The following IQCE variants were observed in gnomAD, a reference collection of about 807,000 sequenced individuals.
The protein encoded by IQCE is IQ domain-containing protein E.
A neutral mutation model predicts 96.0 loss-of-function variants in IQCE; 115 were observed. That is an observed-to-expected ratio of 1.20 (90% confidence interval 1.03 to 1.40). IQCE has a LOEUF of 1.40. Ranked by LOEUF, IQCE falls within the 40% of genes most tolerant of loss-of-function variation. The probability of loss-of-function intolerance (pLI) is 0.00; values close to 1 mark genes in which losing one functional copy is unlikely to be tolerated. For synonymous variants in IQCE, 412 were observed against 371.2 expected (o/e 1.11, Z -1.26); for missense variants, 1,041 against 909.1 (o/e 1.15, Z -1.87).
At chr7:2,583,086 T>G (rs1004575397) in intron 9 of IQCE, among the ~76,000 whole-genome samples, 1 of 152,312 alleles carries the variant, frequency 6.6e-6, no homozygotes, top group Non-Finnish European at 1.5e-5. Context: ...CGTACAATAG[T>G]TCCCCCCTCG....
At chr7:2,579,274 G>C (rs2917740) in intron 8 of IQCE, among the ~76,000 whole-genome samples, 87,210 of 151,970 alleles carry the variant, frequency 0.57, 25,133 homozygotes, top group South Asian at 0.62. Context: ...GTGGGACATG[G>C]TGGAAGAAAA....
At chr7:2,587,750 A>C in intron 12 of IQCE, 72 bp from the exon 13 acceptor site, 1 of 1,432,936 alleles carries the variant, frequency 7.0e-7, no homozygotes, top group Non-Finnish European at 9.8e-7. Flanking sequence ...GCCTCAGGCC[A>C]TACCTGAGAA....
rs373814020 is a variant in IQCE, at chr7:2,607,236, A to G, written c.1969+9A>G. 1 of 1,613,122 alleles carries G rather than the reference A, an allele frequency of 6.2e-7. No individual in the cohort carries two copies. The highest frequency in any genetic ancestry group is 1.3e-5 in the African/African-American group (1 of 74,790). Reference sequence around the variant, plus strand: ...CCTCGCAGCTCTTCCTGGTAATTTCATTCATTTGGATTCTGGCACCAGGGC... The same window carrying G: ...CCTCGCAGCTCTTCCTGGTAATTTCGTTCATTTGGATTCTGGCACCAGGGC... On this transcript the variant is annotated intron_variant, in intron 21 of 21. Transcript: ENST00000402050.
chr7:2,567,307 GAA>G (rs1781453760), intron 2 of IQCE, 144 bp downstream of exon 2: 3 of 701,878 alleles, frequency 4.3e-6, no homozygotes, highest in East Asian at 2.7e-5. Context: ...CTTGGTGTTT[GAA>G]AAGTTTCCAG....
chr7:2,582,052 T>C (rs1457147821), intron 8 of IQCE: 1 of 468,914 alleles, frequency 2.1e-6, no homozygotes, highest in Admixed American at 2.4e-5. Flanking sequence ...TTGTCTCCTC[T>C]AAGCAAGACA....
chr7:2,588,485 C>G (rs1003227864), intron 13 of IQCE, among the ~76,000 whole-genome samples: 3 of 151,394 alleles, frequency 2.0e-5, no homozygotes, highest in African/African-American at 7.3e-5. Flanking sequence ...TCCCCAGTAG[C>G]TGGGACTACA....
At chr7:2,559,985 C>T (rs543283187) in intron 1 of IQCE, among the ~76,000 whole-genome samples, 1 of 152,150 alleles carries the variant, frequency 6.6e-6, no homozygotes, top group East Asian at 1.9e-4. Flanking sequence ...ATCGCAAGAC[C>T]CCATCTCTAC....
At chr7:2,569,147 GCGCT>G in intron 3 of IQCE, 148 bp downstream of exon 3, 1 of 709,712 alleles carries the variant, frequency 1.4e-6, no homozygotes, top group Non-Finnish European at 2.4e-6. Flanking sequence ...CTCCCAGTTC[GCGCT>G]GGAGTCTCCC....
intron 14 of IQCE, among the ~76,000 whole-genome samples, chr7:2,591,714 C>T (rs1783601298): frequency 6.6e-6 from 1 of 151,834 alleles, no homozygotes; most frequent in South Asian, 2.1e-4. Context: ...TCTGCCTCCC[C>T]AGTTCAAGCA....
At chr7:2,605,307 G>A (rs1466926629) in intron 19 of IQCE, among the ~76,000 whole-genome samples, 5 of 152,194 alleles carry the variant, frequency 3.3e-5, no homozygotes, top group Non-Finnish European at 7.3e-5. Flanking sequence ...CTGTATTGAG[G>A]ACCAGGTTTT....
At position 2,610,881 on chromosome 7, in the gene IQCE, A is replaced by AGCT. The variant is rs1348413439; in HGVS notation, c.*721_*722insTGC. On this transcript the variant is annotated 3_prime_UTR_variant, in exon 22 of 22. Transcript: ENST00000402050. ...ATTTTTTAAAATTCCCAATTACAAA[A>AGCT]GCAGCATCACACTTGCTTCTGAGAA... The AGCT allele has an allele frequency of 7.5e-6, 1 of 132,482 alleles. No individual in the cohort carries two copies. The highest frequency in any genetic ancestry group is 2.7e-5 in the African/African-American group (1 of 37,498). The allele number at this position is 132,482 out of a possible 1,614,324, so 8.2% of individuals were successfully genotyped here.
intron 18 of IQCE, among the ~76,000 whole-genome samples, chr7:2,604,108 C>T (rs946966193): frequency 1.5e-4 from 22 of 147,570 alleles, no homozygotes; most frequent in African/African-American, 5.6e-4. Flanking sequence ...CATGCCTCAG[C>T]CTCCTGAGTA....
Position 2,586,389 on chromosome 7 carries a change from A to T in IQCE, c.988+18A>T. 6.3e-7 allele frequency: 1 copy of T among 1,580,820 alleles called. No homozygotes were observed. Among genetic ancestry groups the T allele is most frequent in the Non-Finnish European group, 8.5e-7 (1 of 1,169,810 alleles). On this transcript the variant is annotated intron_variant, in intron 12 of 21. Transcript: ENST00000402050. Reference sequence around the variant, plus strand: ...GACACAGGGTACCTTCCTGAAAGCCACTCCAGGAGGGAGGCCAGGGAATGG... The same window carrying T: ...GACACAGGGTACCTTCCTGAAAGCCTCTCCAGGAGGGAGGCCAGGGAATGG...
At chr7:2,564,120 G>A (rs1245818495) in intron 1 of IQCE, among the ~76,000 whole-genome samples, 3 of 152,032 alleles carry the variant, frequency 2.0e-5, no homozygotes, top group Admixed American at 2.0e-4. Flanking sequence ...GCTGAGGCAG[G>A]AGAATTGCTT....
intron 3 of IQCE, among the ~76,000 whole-genome samples, chr7:2,569,679 T>C (rs956170323): frequency 1.3e-5 from 2 of 152,232 alleles, no homozygotes; most frequent in African/African-American, 4.8e-5. Flanking sequence ...GCCGGCATCC[T>C]GTGCTACCCC....
intron 9 of IQCE, among the ~76,000 whole-genome samples, chr7:2,582,875 T>C (rs1474784773): frequency 1.3e-5 from 2 of 152,226 alleles, no homozygotes; most frequent in Non-Finnish European, 2.9e-5. Flanking sequence ...TCTCGAAACC[T>C]GCTTGTTCTG....
chr7:2,559,242 C>CTGCGGCCCGCAGGTGA, intron 1 of IQCE, 25 bp downstream of exon 1: 26 of 1,206,126 alleles, frequency 2.2e-5, no homozygotes, highest in Non-Finnish European at 2.6e-5. Flanking sequence ...GGGGGCGACG[C>CTGCGGCCCGCAGGTGA]CGGGCGGGCG....
chr7:2,597,560 C>G (rs140452756), intron 16 of IQCE, among the ~76,000 whole-genome samples: 1 of 152,258 alleles, frequency 6.6e-6, no homozygotes, highest in Admixed American at 6.5e-5. Flanking sequence ...TCAGCAACAG[C>G]GTGCTCTCCA....
intron 1 of IQCE, among the ~76,000 whole-genome samples, chr7:2,560,764 T>A (rs1196616274): frequency 6.6e-6 from 1 of 151,864 alleles, no homozygotes; most frequent in African/African-American, 2.4e-5. Context: ...GAGACCATGC[T>A]GGCTAACACA....
Sources: gnomAD v4.1 joint callset for allele counts (sites outside exome capture counted in the v4.1 genomes callset) on GRCh38, gnomAD v4.1.1 for gene constraint, MANE v1.5 for transcripts, NCBI Gene and HGNC (gene_info 2026-07-23, HGNC 2026-07-21) for gene names.